HELLS: variants seen among roughly 807,000 people sequenced by gnomAD.
HELLS encodes the protein lymphoid-specific helicase.
In HELLS, 32 loss-of-function variants were observed where a neutral mutation model predicts 120.0. That is an observed-to-expected ratio of 0.27 (90% CI 0.20 to 0.36). HELLS has a LOEUF of 0.36. Among genes scored for constraint, HELLS ranks in the 10% least tolerant of loss-of-function variants. The pLI is 1.00. For synonymous variants in HELLS, 341 were observed against 323.4 expected, an observed-to-expected ratio of 1.05 and a Z score of -0.58; for missense variants, 650 against 993.4, an observed-to-expected ratio of 0.65 and a Z score of 4.65.
At chr10:94,607,984 C>G in exon 9 of HELLS, 1 of 401,796 alleles carries the variant, frequency 2.5e-6, no homozygotes, top group Non-Finnish European at 5.0e-6. Context: ...CTCGGCCTCC[C>G]AAAGTGCTGG....
downstream of HELLS, among the ~76,000 whole-genome samples, chr10:94,606,000 A>G (rs1467945540): frequency 6.7e-6 from 1 of 150,354 alleles, no homozygotes; most frequent in Non-Finnish European, 1.5e-5. Flanking sequence ...GTGAGCTTCC[A>G]GTGTTTCTTT....
rs756171867 is a variant in HELLS at position 94,575,763 on chromosome 10, GGT to G, written c.889-898_889-897del. Among the ~76,000 whole-genome samples, 7 of 93,760 alleles carry G rather than the reference GGT, an allele frequency of 7.5e-5. No individual in the cohort carries two copies. The East Asian group carries it at 1.5e-3, about 20-fold the overall frequency. The allele number at this position is 93,760 out of a possible 152,430, so 61.5% of individuals were successfully genotyped here. A position where few individuals can be genotyped will look rare whatever the true frequency, so the allele number is the denominator to read the frequency against. The stretch of plus-strand genomic sequence containing the variant: ...TTTGTAGGTTTTTTGTTGGGGGGGG[GGT>G]TGTGTTTGTGTGTGTGTGTGTGTGT... On this transcript the variant is annotated intron_variant, in intron 9 of 21. Coordinates refer to ENST00000348459, the MANE Select transcript of HELLS (RefSeq NM_018063.5).
At chr10:94,567,504 G>A (rs2134033138) in intron 6 of HELLS, among the ~76,000 whole-genome samples, 1 of 152,218 alleles carries the variant, frequency 6.6e-6, no homozygotes, top group East Asian at 1.9e-4. Flanking sequence ...CTCCATGTTG[G>A]TCAGGCTGGT....
chr10:94,605,420 C>T (rs1474917761), downstream of HELLS, among the ~76,000 whole-genome samples: 1 of 151,974 alleles, frequency 6.6e-6, no homozygotes, highest in Non-Finnish European at 1.5e-5. Context: ...TACTCGCTCA[C>T]TTTGATGGAT....
chr10:94,556,081 G>A (rs1322596521), intron 3 of HELLS, among the ~76,000 whole-genome samples: 2 of 152,200 alleles, frequency 1.3e-5, no homozygotes, highest in African/African-American at 2.4e-5. Flanking sequence ...TGGGCCTTGC[G>A]ATTGGCATCT....
At chr10:94,573,490 AT>A (rs1199257811) in intron 7 of HELLS, among the ~76,000 whole-genome samples, 4 of 142,694 alleles carry the variant, frequency 2.8e-5, no homozygotes, top group Admixed American at 2.1e-4. Flanking sequence ...ATTTTTTGAG[AT>A]GGAGTCTTCT....
chr10:94,580,117 GTA>G (rs58984411), intron 10 of HELLS, among the ~76,000 whole-genome samples: 2,823 of 64,964 alleles, frequency 0.043, 60 homozygotes, highest in Non-Finnish European at 0.054. Flanking sequence ...CATTATAAAA[GTA>G]TATATATATA....
intron 12 of HELLS, among the ~76,000 whole-genome samples, chr10:94,587,658 C>A (rs1845236352): frequency 6.6e-6 from 1 of 152,178 alleles, no homozygotes; most frequent in Non-Finnish European, 1.5e-5. Context: ...AAACTCTTGA[C>A]CCAGGTGATT....
rs777349893 is a variant in HELLS at position 94,571,463 on chromosome 10, A to G, written c.477+34A>G. Reference sequence around the variant, plus strand: ...TTTATAATGTAAGATTAAGTTTAGAAGTCATATTTACTCCTCAGTTACTAG... The same window carrying G: ...TTTATAATGTAAGATTAAGTTTAGAGGTCATATTTACTCCTCAGTTACTAG... On this transcript the variant is annotated intron_variant, in intron 7 of 21. Transcript: ENST00000348459. 8.3e-6 allele frequency: 12 copies of G among 1,447,902 alleles called. No homozygotes were observed. The East Asian group carries it at 2.8e-4, about 34-fold the overall frequency. The allele number at this position is 1,447,902 out of a possible 1,614,324, so 89.7% of individuals were successfully genotyped here.
downstream of HELLS, among the ~76,000 whole-genome samples, chr10:94,605,151 C>T (rs377493950): frequency 7.4e-6 from 1 of 134,638 alleles, no homozygotes; most frequent in African/African-American, 2.8e-5. Flanking sequence ...GGCTTGATCT[C>T]GGCTCACTGC....
At chr10:94,576,592 A>G in intron 9 of HELLS, 70 bp from the exon 10 acceptor site, 1 of 796,468 alleles carries the variant, frequency 1.3e-6, no homozygotes, top group Non-Finnish European at 1.8e-6. Flanking sequence ...AGAATGATTT[A>G]TATTTTCTAA....
At chr10:94,575,462 C>T (rs112235424) in intron 9 of HELLS, among the ~76,000 whole-genome samples, 9 of 151,084 alleles carry the variant, frequency 6.0e-5, no homozygotes, top group African/African-American at 2.2e-4. Flanking sequence ...GTAGTATCAC[C>T]ATCTGTCTCA....
At chr10:94,588,485 C>G in intron 13 of HELLS, 95 bp downstream of exon 13, 2 of 914,972 alleles carry the variant, frequency 2.2e-6, no homozygotes, top group East Asian at 5.4e-5. Flanking sequence ...GCTCTGTCAC[C>G]CAGGCTGTGG....
intron 2 of HELLS, 72 bp from the exon 3 acceptor site, chr10:94,554,054 T>A: frequency 7.2e-7 from 1 of 1,385,584 alleles, no homozygotes. Flanking sequence ...CCATTTTTAT[T>A]AAACTTTATG....
downstream of HELLS, among the ~76,000 whole-genome samples, chr10:94,606,268 T>A (rs1398908251): frequency 6.6e-6 from 1 of 152,088 alleles, no homozygotes; most frequent in African/African-American, 2.4e-5. Context: ...AAAATCTGTC[T>A]TTTAATTCAT....
At chr10:94,550,357 C>T (rs1565011799) in intron 2 of HELLS, among the ~76,000 whole-genome samples, 2 of 152,006 alleles carry the variant, frequency 1.3e-5, no homozygotes, top group Non-Finnish European at 2.9e-5. Context: ...TGGCTCACTG[C>T]GACCTTCACC....
chr10:94,612,988 TC>T (rs1353034767), exon 10 of HELLS: 2 of 152,212 alleles, frequency 1.3e-5, no homozygotes, highest in Non-Finnish European at 2.9e-5. Flanking sequence ...CCTCTAATGT[TC>T]CATGCTGTTA....
intron 12 of HELLS, among the ~76,000 whole-genome samples, chr10:94,584,706 A>G (rs1845036830): frequency 6.6e-6 from 1 of 152,176 alleles, no homozygotes. Context: ...TTGATTGAAC[A>G]TTTGTAGTAA....
downstream of HELLS, among the ~76,000 whole-genome samples, chr10:94,606,511 TA>T (rs111926762): frequency 0.014 from 2,057 of 142,646 alleles, 20 homozygotes; most frequent in African/African-American, 0.034. Context: ...CCAGATAATT[TA>T]AAAAAAAAAA....
Sources: gnomAD v4.1 joint callset for allele counts (sites outside exome capture counted in the v4.1 genomes callset) on GRCh38, gnomAD v4.1.1 for gene constraint, MANE v1.5 for transcripts, NCBI Gene and HGNC (gene_info 2026-07-23, HGNC 2026-07-21) for gene names.